Variants in EDC3 observed in about 807,000 individuals in gnomAD.
The protein encoded by EDC3 is enhancer of mRNA-decapping protein 3.
Under a neutral mutation model 41.8 loss-of-function variants are expected in EDC3, and 20 were observed. The ratio of observed to expected loss-of-function variants is 0.48; its 90% CI spans 0.34 to 0.70. The LOEUF is 0.70. Among genes scored for constraint, EDC3 ranks in the 30% least tolerant of loss-of-function variants. The pLI, the probability that EDC3 is intolerant of heterozygous loss-of-function variation, is 0.01. For synonymous variants in EDC3, 206 were observed against 243.2 expected, an observed-to-expected ratio of 0.85 and a Z score of 1.42; for missense variants, 444 against 636.8, an observed-to-expected ratio of 0.70 and a Z score of 3.26.
chr15:74,646,198 C>CAGT (rs1325201791), intron 4 of EDC3, among the ~76,000 whole-genome samples: 1 of 151,656 alleles, frequency 6.6e-6, no homozygotes, highest in East Asian at 1.9e-4. Context: ...TCAGCCTCCC[C>CAGT]AGTAGCTGGA....
At chr15:74,686,183 A>T (rs2141679127) in intron 1 of EDC3, among the ~76,000 whole-genome samples, 1 of 151,892 alleles carries the variant, frequency 6.6e-6, no homozygotes, top group Admixed American at 6.5e-5. Context: ...AAATTAGCCA[A>T]ATGCGGTGGC....
At chr15:74,668,601 TC>T (rs974666561) in intron 3 of EDC3, among the ~76,000 whole-genome samples, 12 of 152,038 alleles carry the variant, frequency 7.9e-5, no homozygotes, top group African/African-American at 2.9e-4. Context: ...ACACCTGTAG[TC>T]CCAGCTACTC....
chr15:74,693,941 C>A (rs2063037107), intron 1 of EDC3, among the ~76,000 whole-genome samples: 1 of 151,916 alleles, frequency 6.6e-6, no homozygotes, highest in African/African-American at 2.4e-5. Context: ...AGAAATTGCA[C>A]CACTGCACTC....
At chr15:74,636,369 T>G (rs1007090835) in intron 5 of EDC3, 1 of 152,300 alleles carries the variant, frequency 6.6e-6, no homozygotes, top group East Asian at 1.9e-4. Flanking sequence ...ACTCAGTCAG[T>G]GCTGACCATG....
At chr15:74,640,309 T>C (rs2062333809) in intron 5 of EDC3, 157 bp downstream of exon 5, 2 of 825,354 alleles carry the variant, frequency 2.4e-6, no homozygotes, top group East Asian at 2.6e-5. Flanking sequence ...CAAAGAAACC[T>C]CACAGCATCC....
chr15:74,637,790 T>C (rs1009450572), intron 5 of EDC3: 1 of 152,200 alleles, frequency 6.6e-6, no homozygotes, highest in East Asian at 1.9e-4. Context: ...CCAAACACCA[T>C]GGCTGGAAGC....
chr15:74,675,361 T>C (rs2062791889), intron 1 of EDC3, among the ~76,000 whole-genome samples: 1 of 151,982 alleles, frequency 6.6e-6, no homozygotes, highest in African/African-American at 2.4e-5. Context: ...ATCTTATAAT[T>C]GCTTTAAAGC....
At chr15:74,676,854 G>A (rs1456239688) in intron 1 of EDC3, 4 of 152,226 alleles carry the variant, frequency 2.6e-5, no homozygotes, top group Admixed American at 6.5e-5. Context: ...ACATGGACAC[G>A]GCAGGCAAGC....
At chr15:74,674,723 A>C (rs368156692) in intron 2 of EDC3, 14 of 491,100 alleles carry the variant, frequency 2.9e-5, no homozygotes, top group East Asian at 2.3e-4. Context: ...AAGAGGAAAT[A>C]AACAGTATAG....
intron 6 of EDC3, chr15:74,635,073 A>G (rs1335633155): frequency 3.9e-6 from 2 of 515,062 alleles, no homozygotes; most frequent in East Asian, 5.2e-5. Context: ...AGTATGTTAC[A>G]TGTCTTTTTG....
intron 3 of EDC3, among the ~76,000 whole-genome samples, chr15:74,667,391 C>A (rs2062687194): frequency 1.4e-5 from 2 of 143,922 alleles, no homozygotes; most frequent in African/African-American, 5.2e-5. Context: ...GGGTGACACC[C>A]AGGAGCAATG....
At chr15:74,682,159 T>G (rs1299442584) in intron 1 of EDC3, among the ~76,000 whole-genome samples, 1 of 152,126 alleles carries the variant, frequency 6.6e-6, no homozygotes. Flanking sequence ...TTAAAAAAAC[T>G]AAACATGCAA....
chr15:74,663,264 G>A (rs937863101), intron 3 of EDC3, among the ~76,000 whole-genome samples: 14 of 151,866 alleles, frequency 9.2e-5, no homozygotes, highest in African/African-American at 3.4e-4. Context: ...CTCCAGCCTG[G>A]GTGACAGAGC....
At chr15:74,686,904 C>A (rs1257271421) in intron 1 of EDC3, among the ~76,000 whole-genome samples, 1 of 152,028 alleles carries the variant, frequency 6.6e-6, no homozygotes, top group Non-Finnish European at 1.5e-5. Context: ...GGCATGGTGG[C>A]ATGCACCTGT....
At chr15:74,663,703 A>G (rs2062647552) in intron 3 of EDC3, among the ~76,000 whole-genome samples, 1 of 152,028 alleles carries the variant, frequency 6.6e-6, no homozygotes, top group Non-Finnish European at 1.5e-5. Context: ...AGTTTCAAAA[A>G]AAAAAAAAAA....
At chr15:74,668,392 C>T (rs185124851) in intron 3 of EDC3, among the ~76,000 whole-genome samples, 1 of 151,938 alleles carries the variant, frequency 6.6e-6, no homozygotes. Context: ...ACGTTAATAA[C>T]GGGGAAAAAT....
chr15:74,693,774 G>C (rs139443084), intron 1 of EDC3, among the ~76,000 whole-genome samples: 1 of 151,926 alleles, frequency 6.6e-6, no homozygotes, highest in Non-Finnish European at 1.5e-5. Context: ...ACCTGAGGTC[G>C]GGAGTTCGAG....
In EDC3 at chr15:74,655,769, T is replaced by C. The variant is rs145840933; in HGVS notation, c.784A>G (p.Ile262Val). 1.0e-4 allele frequency: 166 copies of C among 1,613,696 alleles called. 1 individual carries two copies. In the African/African-American group the frequency reaches 2.0e-3, roughly 19 times the overall value. ...TCCTTGCTCACGTTGTGGGGCACTA[T>C]GATCCGTCGATAGACAATGGGCTCG... ...ESEPIVYRRI[I>V]VPHNVSKEFC... The change falls in exon 4 of 7, where the codon ATA becomes GTA. Residue 262 changes from isoleucine to valine, a missense_variant. Physicochemically the swap from Ile to Val is conservative, Grantham distance 29. Coordinates refer to ENST00000315127, the MANE Select transcript of EDC3 (RefSeq NM_025083.5).
chr15:74,635,758 G>C lies in EDC3; in HGVS notation c.975-132C>G, dbSNP rs968485530. 4.9e-5 allele frequency: 42 copies of C among 855,050 alleles called. No homozygotes were observed. The Admixed American group carries it at 1.1e-3, about 22-fold the overall frequency. The allele number at this position is 855,050 out of a possible 1,614,324, so 53.0% of individuals were successfully genotyped here. The stretch of plus-strand genomic sequence containing the variant: ...ACTGCTCACCAAGTCCCAGGCTCCA[G>C]AGGGGGACAAAATCCACTGCAGGCC... On this transcript the variant is annotated intron_variant, in intron 5 of 6. Transcript: ENST00000315127.
Sources: gnomAD v4.1 joint callset for allele counts (sites outside exome capture counted in the v4.1 genomes callset) on GRCh38, gnomAD v4.1.1 for gene constraint, MANE v1.5 for transcripts, NCBI Gene and HGNC (gene_info 2026-07-23, HGNC 2026-07-21) for gene names.